Variants in CALD1 observed in about 807,000 individuals in gnomAD.
The protein encoded by CALD1 is caldesmon 1, also known as caldesmon.
In CALD1, 33 loss-of-function variants were observed where a neutral mutation model predicts 99.9. That is an observed-to-expected ratio of 0.33 (90% CI 0.25 to 0.44). The LOEUF (loss-of-function observed/expected upper bound fraction) is 0.44, where lower values mean the gene tolerates loss of function less well. Among genes scored for constraint, CALD1 ranks in the 20% least tolerant of loss-of-function variants. The probability of loss-of-function intolerance (pLI) is 1.00; values close to 1 mark genes in which losing one functional copy is unlikely to be tolerated. For synonymous variants in CALD1, 310 were observed against 325.0 expected, an observed-to-expected ratio of 0.95 and a Z score of 0.50; for missense variants, 861 against 962.1, an observed-to-expected ratio of 0.89 and a Z score of 1.39.
At chr7:134,736,489 T>C in the CALD1 span, among the ~76,000 whole-genome samples, 9 of 152,290 alleles carry the variant, frequency 5.9e-5, no homozygotes, top group African/African-American at 1.9e-4. Flanking sequence ...ACCTCTCTCT[T>C]TCCTTCCATG....
chr7:134,746,452 T>C (rs13243195), intron 1 of CALD1, among the ~76,000 whole-genome samples: 85,818 of 152,076 alleles, frequency 0.56, 25,531 homozygotes, highest in East Asian at 0.86. Context: ...TCCAAACGGT[T>C]TAAGACAAAA....
intron 1 of CALD1, among the ~76,000 whole-genome samples, chr7:134,826,516 T>A (rs1799001169): frequency 6.6e-6 from 1 of 151,978 alleles, no homozygotes; most frequent in Non-Finnish European, 1.5e-5. Context: ...ATTTGCAGAG[T>A]TTGTGACTTG....
chr7:134,815,367 A>G (rs1317706315), intron 1 of CALD1, among the ~76,000 whole-genome samples: 1 of 152,132 alleles, frequency 6.6e-6, no homozygotes, highest in East Asian at 1.9e-4. Flanking sequence ...AAGTTGTAGA[A>G]TTTCTGCCTC....
At chr7:134,811,069 C>T (rs1044822916) in intron 1 of CALD1, among the ~76,000 whole-genome samples, 1 of 152,134 alleles carries the variant, frequency 6.6e-6, no homozygotes, top group Non-Finnish European at 1.5e-5. Flanking sequence ...ACAGCACAAA[C>T]CTCCGTGTAT....
intron 1 of CALD1, among the ~76,000 whole-genome samples, chr7:134,792,339 G>A (rs1368171749): frequency 2.0e-5 from 3 of 149,434 alleles, no homozygotes; most frequent in Non-Finnish European, 4.4e-5. Flanking sequence ...GCCCAGGCTG[G>A]AGAGCAGTAG....
At chr7:134,817,945 C>G (rs1278388776) in intron 1 of CALD1, among the ~76,000 whole-genome samples, 1 of 152,102 alleles carries the variant, frequency 6.6e-6, no homozygotes, top group Non-Finnish European at 1.5e-5. Context: ...TACTTTTTGT[C>G]ACACTTGCCG....
chr7:134,765,346 G>T (rs1482629301), intron 1 of CALD1, among the ~76,000 whole-genome samples: 2 of 151,806 alleles, frequency 1.3e-5, no homozygotes, highest in East Asian at 1.9e-4. Flanking sequence ...AAAGTTCAGG[G>T]TATAAATATG....
intron 1 of CALD1, among the ~76,000 whole-genome samples, chr7:134,787,775 G>A (rs1484010502): frequency 6.6e-6 from 1 of 152,162 alleles, no homozygotes; most frequent in Non-Finnish European, 1.5e-5. Context: ...AGAGCACTGA[G>A]TACATGGATT....
chr7:134,952,367 T>C (rs577854729), intron 9 of CALD1, among the ~76,000 whole-genome samples: 2 of 152,330 alleles, frequency 1.3e-5, no homozygotes, highest in African/African-American at 2.4e-5. Flanking sequence ...TGTACGGTTA[T>C]ATCAAGTGGC....
intron 3 of CALD1, among the ~76,000 whole-genome samples, chr7:134,902,022 T>C (rs1803035262): frequency 6.6e-6 from 1 of 152,054 alleles, no homozygotes; most frequent in Non-Finnish European, 1.5e-5. Context: ...TATACATACT[T>C]CTAGATTAAA....
rs149149797 is a variant in CALD1, at chr7:134,933,957, A to G, written c.1188A>G (p.Lys396=). ...GTAACAAGCAGCTAGAAGAGAAAAA[A>G]CATGCCATGCAAGAGACAAAGATAA... ...QKRNKQLEEK[K]HAMQETKIKG... Residue 396 remains lysine, a synonymous_variant, in exon 5 of 15, where the codon AAA becomes AAG. Coordinates refer to ENST00000361675, the MANE Select transcript of CALD1 (RefSeq NM_033138.4). 2.5e-6 allele frequency: 4 copies of G among 1,614,154 alleles called. No individual in the cohort carries two copies. The highest frequency in any genetic ancestry group is 3.4e-6 in the Non-Finnish European group (4 of 1,180,004).
At chr7:134,910,595 G>C (rs1803732204) in intron 3 of CALD1, among the ~76,000 whole-genome samples, 1 of 152,062 alleles carries the variant, frequency 6.6e-6, no homozygotes, top group African/African-American at 2.4e-5. Context: ...CTATTCATGA[G>C]CCAAGCCAAG....
At chr7:134,790,181 G>T (rs1159866323) in intron 1 of CALD1, among the ~76,000 whole-genome samples, 1 of 151,834 alleles carries the variant, frequency 6.6e-6, no homozygotes, top group Non-Finnish European at 1.5e-5. Flanking sequence ...AATTTATCTG[G>T]AGAAAAAGTA....
intron 1 of CALD1, among the ~76,000 whole-genome samples, chr7:134,787,365 G>A (rs3800707): frequency 0.2 from 30,247 of 152,090 alleles, 3,192 homozygotes; most frequent in Non-Finnish European, 0.23. Flanking sequence ...TTAGGCTTAG[G>A]GGGAGGGGTG....
At chr7:134,965,282 G>A (rs1159871183) in intron 13 of CALD1, 24 bp from the exon 14 acceptor site, 1 of 1,291,622 alleles carries the variant, frequency 7.7e-7, no homozygotes, top group Non-Finnish European at 1.1e-6. Context: ...ACCTATCGAT[G>A]TTTTTCTGCT....
upstream of CALD1, among the ~76,000 whole-genome samples, chr7:134,740,453 T>A (rs1796583407): frequency 6.6e-6 from 1 of 152,148 alleles, no homozygotes; most frequent in African/African-American, 2.4e-5. Context: ...GGATACAGGA[T>A]GGAGAACATG....
chr7:134,936,079 G>A (rs1805947845), intron 6 of CALD1, among the ~76,000 whole-genome samples: 1 of 152,104 alleles, frequency 6.6e-6, no homozygotes, highest in Admixed American at 6.6e-5. Context: ...AACACTGCTG[G>A]AATCAATTTA....
intron 4 of CALD1, among the ~76,000 whole-genome samples, chr7:134,929,984 A>G (rs1466758406): frequency 1.3e-5 from 2 of 152,064 alleles, no homozygotes; most frequent in Non-Finnish European, 2.9e-5. Context: ...AGAGTCCTCC[A>G]TGGCTACCAT....
intron 1 of CALD1, among the ~76,000 whole-genome samples, chr7:134,766,230 C>T (rs551449723): frequency 7.1e-6 from 1 of 141,530 alleles, no homozygotes; most frequent in African/African-American, 2.7e-5. Flanking sequence ...TGGCTCACTG[C>T]AACCTCTGCC....
Sources: gnomAD v4.1 joint callset for allele counts (sites outside exome capture counted in the v4.1 genomes callset) on GRCh38, gnomAD v4.1.1 for gene constraint, MANE v1.5 for transcripts, NCBI Gene and HGNC (gene_info 2026-07-23, HGNC 2026-07-21) for gene names.